NOS2: variants seen among roughly 807,000 people sequenced by gnomAD.
NOS2 encodes nitric oxide synthase, inducible.
In NOS2, 96 loss-of-function variants were observed where a neutral mutation model predicts 136.0. That is an observed-to-expected ratio of 0.71 (90% CI 0.60 to 0.84). The LOEUF is 0.84. Ranked by LOEUF, NOS2 falls within the 40% of genes least tolerant of loss-of-function variation. NOS2 has a pLI of 0.00. For synonymous variants in NOS2, 539 were observed against 587.5 expected, an observed-to-expected ratio of 0.92 and a Z score of 1.20; for missense variants, 1,237 against 1,496.9, an observed-to-expected ratio of 0.83 and a Z score of 2.87.
intron 14 of NOS2, among the ~76,000 whole-genome samples, 153 bp downstream of exon 14, chr17:27,772,155 G>A (rs998439194): frequency 1.3e-5 from 2 of 152,192 alleles, no homozygotes; most frequent in Non-Finnish European, 2.9e-5. Flanking sequence ...TGGAATCCCT[G>A]CACACAAGTC....
At chr17:27,785,024 G>T (rs1179947206) in intron 5 of NOS2, among the ~76,000 whole-genome samples, 1 of 152,094 alleles carries the variant, frequency 6.6e-6, no homozygotes, top group East Asian at 1.9e-4. Flanking sequence ...CAACAGCAAG[G>T]CCTCCCACGT....
chr17:27,784,476 C>G (rs1245041341), intron 5 of NOS2, among the ~76,000 whole-genome samples: 1 of 152,244 alleles, frequency 6.6e-6, no homozygotes, highest in Admixed American at 6.5e-5. Context: ...ATATTCCCCC[C>G]TCTGCACCTG....
intron 12 of NOS2, among the ~76,000 whole-genome samples, chr17:27,773,464 G>A (rs559480820): frequency 1.3e-5 from 2 of 152,222 alleles, no homozygotes; most frequent in Non-Finnish European, 2.9e-5. Flanking sequence ...GCACATCGAG[G>A]GGGGGCGGCT....
chr17:27,798,462 G>C (rs1462326350), intron 2 of NOS2, among the ~76,000 whole-genome samples: 2 of 144,898 alleles, frequency 1.4e-5, no homozygotes, highest in East Asian at 4.2e-4. Flanking sequence ...AAGATTCCAA[G>C]CTTCTTCAGG....
intron 26 of NOS2, among the ~76,000 whole-genome samples, chr17:27,758,021 A>C (rs996521013): frequency 7.2e-5 from 11 of 152,124 alleles, no homozygotes; most frequent in African/African-American, 2.7e-4. Flanking sequence ...CACCCTATTT[A>C]AAATTACACT....
In NOS2 at chr17:27,788,938, G is replaced by A. The variant is rs1909107213; in HGVS notation, c.196-7C>T. ...CCAGAGATTCTGGAGACTTCTGCAA[G>A]GGGAAAAAACAGGGTTTTCTCTCAG... On this transcript the variant is annotated splice_polypyrimidine_tract_variant and splice_region_variant and intron_variant, in intron 3 of 26. Transcript: ENST00000313735. The A allele has an allele frequency of 1.2e-6, 2 of 1,611,978 alleles. No homozygotes were observed. The highest frequency in any genetic ancestry group is 1.7e-6 in the Non-Finnish European group (2 of 1,179,118).
intron 12 of NOS2, 33 bp from the exon 13 acceptor site, chr17:27,773,276 C>T (rs146104807): frequency 2.6e-5 from 40 of 1,552,554 alleles, no homozygotes; most frequent in Middle Eastern, 1.7e-4. Flanking sequence ...GAGGGCAGGG[C>T]GGGGTCCTGG....
intron 26 of NOS2, among the ~76,000 whole-genome samples, 170 bp downstream of exon 26, chr17:27,758,711 A>C (rs6505445): frequency 6.6e-6 from 1 of 151,912 alleles, no homozygotes; most frequent in African/African-American, 2.4e-5. Context: ...ATGTGCAGTA[A>C]GGCCATCTGA....
intron 1 of NOS2, among the ~76,000 whole-genome samples, chr17:27,799,085 T>A (rs1049588282): frequency 5.9e-5 from 9 of 151,526 alleles, no homozygotes; most frequent in Non-Finnish European, 1.0e-4. Context: ...CACCTAATAA[T>A]CTTAAGGAAA....
Position 27,787,052 on chromosome 17 carries a change from C to T in NOS2, c.467+626G>A, listed in dbSNP as rs192323718. On this transcript the variant is annotated intron_variant, in intron 5 of 26. Transcript: ENST00000313735. ...TCACTGGGTAGAAAAAAGAAGAGAA[C>T]TCCAGAAATGTAGAACCCCACCAGG... 1.2e-3 allele frequency among the ~76,000 whole-genome samples: 182 copies of T among 152,274 alleles called. 1 individual carries two copies. The highest frequency in any genetic ancestry group is 9.5e-3 in the South Asian group (46 of 4,826).
At chr17:27,767,228 G>T (rs1047529787) in intron 18 of NOS2, among the ~76,000 whole-genome samples, 1 of 152,206 alleles carries the variant, frequency 6.6e-6, no homozygotes, top group Non-Finnish European at 1.5e-5. Flanking sequence ...GCACCTGGGG[G>T]TGCAGAGTGG....
In NOS2 at chr17:27,778,774, C is replaced by T; in HGVS notation, c.1197G>A (p.Met399Ile). 6.2e-7 allele frequency: 1 copy of T among 1,614,190 alleles called. No individual in the cohort carries two copies. Among genetic ancestry groups the T allele is most frequent in the South Asian group, 1.1e-5 (1 of 91,080 alleles). ...AGGCCAGCTTGTGCGTTTCCAGGCC[C>T]ATTCTCCTGCCCACTTCCTACAGAG... ...YNILEEVGRRMGLETHKLASL... is the reference protein window; with the variant it reads ...YNILEEVGRRIGLETHKLASL... The change falls in exon 11 of 27, where the codon ATG (methionine) becomes ATA (isoleucine). Residue 399 changes from methionine (M) to isoleucine (I), a missense_variant. Physicochemically the swap from Met to Ile is conservative, Grantham distance 10. Coordinates refer to ENST00000313735, the MANE Select transcript of NOS2 (RefSeq NM_000625.4).
chr17:27,779,426 T>A (rs1438504306), intron 9 of NOS2, among the ~76,000 whole-genome samples: 1 of 151,770 alleles, frequency 6.6e-6, no homozygotes, highest in Admixed American at 6.6e-5. Context: ...ATTACAGGTG[T>A]GAACTACCTT....
In NOS2 at chr17:27,781,116, C is replaced by T. The variant is rs1418610295; in HGVS notation, c.784G>A (p.Ala262Thr). The change falls in exon 8 of 27, where the codon GCT becomes ACT. Residue 262 changes from alanine to threonine, a missense_variant. Around this residue, in one of 3 missense-constraint regions of NOS2, gnomAD observed 440 missense variants for 545.4 expected, o/e 0.81. Transcript: ENST00000313735. ...TAGCCAGCATAGCGGATGAGCTGAG[C>T]ATTCCACACCCGGAAGTCGTGCTTG... Reference protein sequence around the residue: ...DGKHDFRVWNAQLIRYAGYQM... With the variant: ...DGKHDFRVWNTQLIRYAGYQM... 1 of 1,613,208 alleles carries T rather than the reference C, an allele frequency of 6.2e-7. No homozygotes were observed. The highest frequency in any genetic ancestry group is 8.5e-7 in the Non-Finnish European group (1 of 1,180,016).
intron 5 of NOS2, among the ~76,000 whole-genome samples, chr17:27,786,111 C>A (rs752552413): frequency 6.6e-6 from 1 of 151,660 alleles, no homozygotes; most frequent in Admixed American, 6.6e-5. Flanking sequence ...GCAACACTCC[C>A]CTTCCAGCCT....
chr17:27,793,206 G>T (rs1909248130), intron 2 of NOS2, among the ~76,000 whole-genome samples: 1 of 140,538 alleles, frequency 7.1e-6, no homozygotes, highest in South Asian at 2.7e-4. Context: ...AGGGTGGGGG[G>T]GATGGCGCCC....
intron 3 of NOS2, among the ~76,000 whole-genome samples, chr17:27,789,294 G>A (rs1435030552): frequency 6.6e-6 from 1 of 152,160 alleles, no homozygotes; most frequent in Non-Finnish European, 1.5e-5. Flanking sequence ...GGACATATAA[G>A]CCACCCTCTC....
Position 27,778,973 on chromosome 17 carries a change from T to A in NOS2, c.1088A>T (p.Glu363Val). 1 of 1,612,842 alleles carries A rather than the reference T, an allele frequency of 6.2e-7. No individual in the cohort carries two copies. Among genetic ancestry groups the A allele is most frequent in the Non-Finnish European group, 8.5e-7 (1 of 1,179,110 alleles). Residue 363 changes from glutamate to valine, a missense_variant, in exon 10 of 27, where the codon GAG becomes GTG. Physicochemically the swap from Glu to Val is moderately radical, Grantham distance 121. Coordinates refer to ENST00000313735, the MANE Select transcript of NOS2 (RefSeq NM_000625.4). ...ANMLLEVGGL[E>V]FPGCPFNGWY... is the part of the protein sequence containing the mutation. The stretch of plus-strand genomic sequence containing the variant: ...GCCATTGAAGGGGCACCCTGGGAAC[T>A]CCAGGCCGCCCACCTCAAGCAGCAT...
chr17:27,759,490 G>A (rs1465420809), intron 25 of NOS2, among the ~76,000 whole-genome samples: 1 of 152,116 alleles, frequency 6.6e-6, no homozygotes, highest in Non-Finnish European at 1.5e-5. Context: ...CAAGGTCCAG[G>A]AGTCAGTCAG....
Sources: allele counts gnomAD v4.1 joint callset (sites outside exome capture counted in the v4.1 genomes callset), GRCh38; gene constraint gnomAD v4.1.1; regional missense constraint gnomAD v4.1.1; transcripts MANE v1.5; gene names NCBI Gene and HGNC (gene_info 2026-07-23, HGNC 2026-07-21).